DLGAP2: variants seen among roughly 807,000 people sequenced by gnomAD.
DLGAP2 encodes the protein disks large-associated protein 2.
In DLGAP2, 26 loss-of-function variants were observed where a neutral mutation model predicts 100.3. The ratio of observed to expected loss-of-function variants is 0.26; its 90% CI spans 0.19 to 0.36. The LOEUF (loss-of-function observed/expected upper bound fraction) is 0.36, where lower values mean the gene tolerates loss of function less well. Ranked by LOEUF, DLGAP2 falls within the 10% of genes least tolerant of loss-of-function variation. DLGAP2 has a pLI of 1.00. For synonymous variants in DLGAP2, 886 were observed against 630.1 expected (o/e 1.41, Z -6.08); for missense variants, 1,858 against 1,453.2 (o/e 1.28, Z -4.53).
intron 2 of DLGAP2, among the ~76,000 whole-genome samples, chr8:972,405 A>T (rs1049702588): frequency 1.3e-5 from 2 of 152,222 alleles, no homozygotes; most frequent in African/African-American, 4.8e-5. Flanking sequence ...ACTGACAAGA[A>T]CAGATGAGTG....
intron 2 of DLGAP2, among the ~76,000 whole-genome samples, chr8:1,243,269 G>A (rs985053956): frequency 6.6e-6 from 1 of 152,164 alleles, no homozygotes; most frequent in East Asian, 1.9e-4. Context: ...CTCAAGGGAA[G>A]GGGCTGGTGC....
chr8:1,707,964 G>A lies in DLGAP2; in HGVS notation c.*6558G>A, dbSNP rs1394377504. 2 of 152,590 alleles carry A rather than the reference G, an allele frequency of 1.3e-5. No homozygotes were observed. Among genetic ancestry groups the A allele is most frequent in the African/African-American group, 2.4e-5 (1 of 41,438 alleles). The allele number at this position is 152,590 out of a possible 1,614,324, so 9.5% of individuals were successfully genotyped here. On this transcript the variant is annotated 3_prime_UTR_variant, in exon 15 of 15. Transcript: ENST00000637795. ...AGCATGCAGGATACCTAATCTGAAT[G>A]TGCAATATGCTATTCATCACCACGA... is the stretch of plus-strand genomic sequence containing the variant.
At chr8:1,604,209 G>A (rs184029370) in intron 6 of DLGAP2, among the ~76,000 whole-genome samples, 3 of 152,180 alleles carry the variant, frequency 2.0e-5, no homozygotes, top group African/African-American at 7.2e-5. Flanking sequence ...AGGTAACTGC[G>A]GGAGAAGGGA....
intron 2 of DLGAP2, among the ~76,000 whole-genome samples, chr8:1,036,543 G>A (rs1802130508): frequency 6.6e-6 from 1 of 152,206 alleles, no homozygotes; most frequent in South Asian, 2.1e-4. Context: ...CTCAGGTGCT[G>A]GTGAGAGTGT....
intron 1 of DLGAP2, among the ~76,000 whole-genome samples, chr8:816,979 A>G (rs1279811817): frequency 6.6e-6 from 1 of 152,118 alleles, no homozygotes; most frequent in Non-Finnish European, 1.5e-5. Context: ...TCTCTACTAA[A>G]AATACAACAA....
chr8:1,669,836 C>T, intron 10 of DLGAP2, 52 bp downstream of exon 10: 2 of 780,894 alleles, frequency 2.6e-6, no homozygotes. Flanking sequence ...TTCATTTTCT[C>T]TCCCTTTTTT....
At chr8:1,379,955 G>C (rs1230885089) in intron 3 of DLGAP2, among the ~76,000 whole-genome samples, 1 of 151,206 alleles carries the variant, frequency 6.6e-6, no homozygotes, top group East Asian at 2.0e-4. Flanking sequence ...CCTCCTGCTC[G>C]GTGGGGGCCT....
intron 2 of DLGAP2, among the ~76,000 whole-genome samples, chr8:1,187,907 G>T (rs551214976): frequency 1.6e-5 from 2 of 126,292 alleles, no homozygotes; most frequent in Admixed American, 1.4e-4. Context: ...CGGGACCTCC[G>T]TGACATTTGC....
intron 2 of DLGAP2, among the ~76,000 whole-genome samples, chr8:1,189,904 G>A (rs553450853): frequency 1.3e-5 from 2 of 152,320 alleles, no homozygotes; most frequent in African/African-American, 2.4e-5. Flanking sequence ...GTAACTCACG[G>A]CTTTGGGTGC....
At chr8:1,651,066 G>A (rs1246055344) in intron 8 of DLGAP2, among the ~76,000 whole-genome samples, 2 of 152,094 alleles carry the variant, frequency 1.3e-5, no homozygotes, top group Non-Finnish European at 2.9e-5. Context: ...ATGGGGAACT[G>A]TGCTAACAGA....
intron 3 of DLGAP2, among the ~76,000 whole-genome samples, chr8:1,307,017 A>T (rs551161686): frequency 2.6e-4 from 39 of 152,164 alleles, no homozygotes; most frequent in Non-Finnish European, 4.6e-4. Context: ...ACAAGCAACA[A>T]AAGAATAGAT....
chr8:1,676,193 T>C (rs1203166800), intron 10 of DLGAP2, among the ~76,000 whole-genome samples: 7 of 152,226 alleles, frequency 4.6e-5, no homozygotes, highest in South Asian at 2.1e-4. Flanking sequence ...TTCTTCACCA[T>C]AGGGCGTGAT....
At chr8:867,349 TAAAC>T (rs1246299090) in intron 1 of DLGAP2, among the ~76,000 whole-genome samples, 1 of 152,200 alleles carries the variant, frequency 6.6e-6, no homozygotes, top group Non-Finnish European at 1.5e-5. Flanking sequence ...TTAGCAAAAA[TAAAC>T]CCTTTAAGCT....
At chr8:1,457,793 G>A (rs1798356377) in intron 3 of DLGAP2, among the ~76,000 whole-genome samples, 1 of 151,616 alleles carries the variant, frequency 6.6e-6, no homozygotes, top group South Asian at 2.1e-4. Context: ...CCTCCAGGAT[G>A]CCTCAGTGAT....
At chr8:1,581,283 C>T (rs1461288898) in intron 6 of DLGAP2, among the ~76,000 whole-genome samples, 3 of 149,840 alleles carry the variant, frequency 2.0e-5, no homozygotes, top group African/African-American at 7.5e-5. Context: ...GAGAAGGATA[C>T]AGACAAAACC....
At chr8:1,206,440 C>T (rs1480141221) in intron 2 of DLGAP2, among the ~76,000 whole-genome samples, 1 of 151,270 alleles carries the variant, frequency 6.6e-6, no homozygotes, top group East Asian at 2.0e-4. Flanking sequence ...CTCCAGCCAT[C>T]CGTGGACTGG....
intron 3 of DLGAP2, among the ~76,000 whole-genome samples, chr8:1,420,066 C>A (rs888822634): frequency 6.6e-6 from 1 of 152,150 alleles, no homozygotes; most frequent in Non-Finnish European, 1.5e-5. Flanking sequence ...AAGTCACTGG[C>A]CATCCCTGAT....
chr8:780,549 A>T (rs1821655705), intron 1 of DLGAP2, among the ~76,000 whole-genome samples: 1 of 152,192 alleles, frequency 6.6e-6, no homozygotes, highest in Non-Finnish European at 1.5e-5. Flanking sequence ...GGCTCTGCAC[A>T]GTTTTCCACA....
chr8:1,060,558 G>C (rs544748730), intron 2 of DLGAP2, among the ~76,000 whole-genome samples: 1 of 152,294 alleles, frequency 6.6e-6, no homozygotes, highest in South Asian at 2.1e-4. Context: ...ATCAGATTTA[G>C]GGCCTGCTCT....
Sources: gnomAD v4.1 joint callset for allele counts (sites outside exome capture counted in the v4.1 genomes callset) on GRCh38, gnomAD v4.1.1 for gene constraint, MANE v1.5 for transcripts, NCBI Gene and HGNC (gene_info 2026-07-23, HGNC 2026-07-21) for gene names.